FAT4: variants seen among roughly 807,000 people sequenced by gnomAD.
The protein encoded by FAT4 is FAT atypical cadherin 4.
In FAT4, 84 loss-of-function variants were observed where a neutral mutation model predicts 303.9. The observed-to-expected ratio is 0.28, with a 90% CI of 0.23 to 0.33. The LOEUF is 0.33. Ranked by LOEUF, FAT4 falls within the 10% of genes least tolerant of loss-of-function variation. The pLI, the probability that FAT4 is intolerant of heterozygous loss-of-function variation, is 1.00. For synonymous variants in FAT4, 2,307 were observed against 2,298.8 expected (o/e 1.00, Z -0.10); for missense variants, 6,005 against 6,146.8 (o/e 0.98, Z 0.77).
intron 2 of FAT4, among the ~76,000 whole-genome samples, chr4:125,385,536 A>T (rs996167141): frequency 3.9e-5 from 6 of 152,210 alleles, no homozygotes; most frequent in African/African-American, 9.6e-5. Flanking sequence ...TTTGAAAACT[A>T]AAATCAAAGT....
chr4:125,325,463 A>G (rs1056901266), intron 2 of FAT4, among the ~76,000 whole-genome samples: 5 of 152,144 alleles, frequency 3.3e-5, no homozygotes, highest in African/African-American at 1.2e-4. Context: ...TCCTTTGTTC[A>G]TGATAAAAAG....
chr4:125,375,065 G>A (rs1733261422), intron 2 of FAT4, among the ~76,000 whole-genome samples: 1 of 152,084 alleles, frequency 6.6e-6, no homozygotes. Flanking sequence ...TTAACACTCT[G>A]GAGTTTTTAT....
At chr4:125,358,375 A>T (rs1578556332) in intron 2 of FAT4, among the ~76,000 whole-genome samples, 1 of 152,022 alleles carries the variant, frequency 6.6e-6, no homozygotes, top group East Asian at 1.9e-4. Context: ...TTATATTGTA[A>T]TATCTAATGA....
At chr4:125,453,343 C>T (rs1056444702) in intron 10 of FAT4, among the ~76,000 whole-genome samples, 5 of 152,014 alleles carry the variant, frequency 3.3e-5, no homozygotes, top group African/African-American at 1.2e-4. Context: ...AAATCATAGT[C>T]GTCATTATTA....
intron 2 of FAT4, among the ~76,000 whole-genome samples, chr4:125,342,742 A>G (rs1731846600): frequency 6.6e-6 from 1 of 151,918 alleles, no homozygotes; most frequent in African/African-American, 2.4e-5. Context: ...CAATATGGTC[A>G]AGAATGAAAC....
chr4:125,424,960 T>C (rs1725038842), intron 7 of FAT4, among the ~76,000 whole-genome samples: 1 of 152,138 alleles, frequency 6.6e-6, no homozygotes, highest in Non-Finnish European at 1.5e-5. Flanking sequence ...AGAAAAAAGA[T>C]TTTAGGGCAA....
In FAT4 at chr4:125,456,112, G is replaced by C. The variant is rs370030363; in HGVS notation, c.11800+3302G>C. On this transcript the variant is annotated intron_variant, in intron 10 of 17. Coordinates refer to ENST00000394329, the MANE Select transcript of FAT4 (RefSeq NM_001291303.3). ...CTGGCAGAATATAAACTTGAACCCC[G>C]CTGGAAGGGAGTCTGGAAAAGGTAG... Among the ~76,000 whole-genome samples the C allele has an allele frequency of 7.9e-5, 12 of 152,176 alleles. No individual in the cohort carries two copies. The South Asian group carries it at 1.7e-3, about 21-fold the overall frequency.
intron 7 of FAT4, among the ~76,000 whole-genome samples, chr4:125,433,802 TAAC>T (rs1725357415): frequency 6.6e-6 from 1 of 152,192 alleles, no homozygotes; most frequent in South Asian, 2.1e-4. Flanking sequence ...TTTGTGATAG[TAAC>T]AATGATAGTC....
chr4:125,474,682 C>A lies in FAT4; in HGVS notation c.12214-1489C>A, dbSNP rs540004154. Among the ~76,000 whole-genome samples, 95 of 151,998 alleles carry A rather than the reference C, an allele frequency of 6.3e-4. 1 individual carries two copies. The highest frequency in any genetic ancestry group is 2.2e-3 in the African/African-American group (92 of 41,514). On this transcript the variant is annotated intron_variant, in intron 12 of 17. Transcript: ENST00000394329. The stretch of plus-strand genomic sequence containing the variant: ...AAATGGATTATACATTCACCTCAGT[C>A]TTTGTTTTTAAAATGTGAGATACTT...
intron 9 of FAT4, 112 bp downstream of exon 9, chr4:125,446,655 G>T: frequency 8.9e-7 from 1 of 1,123,910 alleles, no homozygotes; most frequent in Non-Finnish European, 1.2e-6. Flanking sequence ...GCCTAATTTT[G>T]CAAATCCTCT....
At position 125,407,571 on chromosome 4, in the gene FAT4, A is replaced by G. The variant is rs115260733; in HGVS notation, c.5569+430A>G. 4.0e-3 allele frequency among the ~76,000 whole-genome samples: 602 copies of G among 152,248 alleles called. 3 individuals carry two copies. The highest frequency in any genetic ancestry group is 0.014 in the African/African-American group (572 of 41,566). On this transcript the variant is annotated intron_variant, in intron 4 of 17. Coordinates refer to ENST00000394329, the MANE Select transcript of FAT4 (RefSeq NM_001291303.3). Reference sequence around the variant, plus strand: ...AGTTAATTCATTTCTCTTAGTTTCAATTCTCTATCCTGTAAATGGAAACAG... The same window carrying G: ...AGTTAATTCATTTCTCTTAGTTTCAGTTCTCTATCCTGTAAATGGAAACAG...
At chr4:125,420,632 A>G (rs1735252555) in intron 7 of FAT4, among the ~76,000 whole-genome samples, 1 of 152,196 alleles carries the variant, frequency 6.6e-6, no homozygotes, top group South Asian at 2.1e-4. Context: ...AAGCAGCACA[A>G]GTGTTTAAAG....
At chr4:125,439,631 G>A (rs1257813611) in intron 8 of FAT4, among the ~76,000 whole-genome samples, 1 of 151,856 alleles carries the variant, frequency 6.6e-6, no homozygotes, top group African/African-American at 2.4e-5. Context: ...GAGCCACCGC[G>A]CCCCGGCCAG....
chr4:125,316,712 C>T lies in FAT4; in HGVS notation c.301C>T (p.Leu101=). Residue 101 remains leucine, a synonymous_variant, in exon 2 of 18, where the codon CTG becomes TTG. Transcript: ENST00000394329. This position sits in a 1 kb window ranked among gnomAD's most constrained non-coding sequence, Gnocchi z 5.7. ...CACCTCCACCATCGACCGCGAGAGC[C>T]TGCCCAGCGACGTGATCAACCTGGT... ...YTTSTIDRES[L]PSDVINLVVL... 1 of 1,613,894 alleles carries T rather than the reference C, an allele frequency of 6.2e-7. No individual in the cohort carries two copies. Among genetic ancestry groups the T allele is most frequent in the Non-Finnish European group, 8.5e-7 (1 of 1,180,036 alleles).
At chr4:125,394,440 T>G (rs895031696) in intron 2 of FAT4, among the ~76,000 whole-genome samples, 2 of 152,164 alleles carry the variant, frequency 1.3e-5, no homozygotes, top group African/African-American at 4.8e-5. Flanking sequence ...TAGTATTGGG[T>G]TTGTCCTTTA....
Position 125,319,882 on chromosome 4 carries a change from T to A in FAT4, c.3471T>A (p.Asn1157Lys). ...ELHAISGEIT[N>K]THQFDRESLM... is the part of the protein sequence containing the mutation. ...ATGCCATCAGTGGGGAAATTACAAATACTCATCAGTTTGACAGGGAGTCTC... is the reference window on the plus strand; with the variant it reads ...ATGCCATCAGTGGGGAAATTACAAAAACTCATCAGTTTGACAGGGAGTCTC... Residue 1157 changes from asparagine to lysine, a missense_variant, in exon 2 of 18, where the codon AAT becomes AAA. Transcript: ENST00000394329. 5 of 1,614,122 alleles carry A rather than the reference T, an allele frequency of 3.1e-6. No homozygotes were observed. Among genetic ancestry groups the A allele is most frequent in the Non-Finnish European group, 4.2e-6 (5 of 1,180,028 alleles).
chr4:125,332,658 GTGTT>G lies in FAT4; in HGVS notation c.5175+11080_5175+11083del, dbSNP rs1267597406. Among the ~76,000 whole-genome samples the G allele has an allele frequency of 3.9e-5, 6 of 152,038 alleles. 1 individual carries two copies. In the East Asian group the frequency reaches 7.7e-4, roughly 20 times the overall value. ...AATATTGACTATTATGGAATTGTGT[GTGTT>G]TGTTTGTGAGCCTATTTAGAAATCG... On this transcript the variant is annotated intron_variant, in intron 2 of 17. Coordinates refer to ENST00000394329, the MANE Select transcript of FAT4 (RefSeq NM_001291303.3).
chr4:125,483,133 A>T (rs1271573254), intron 16 of FAT4, among the ~76,000 whole-genome samples: 1 of 152,216 alleles, frequency 6.6e-6, no homozygotes, highest in African/African-American at 2.4e-5. Context: ...ACAAGAGAAC[A>T]TCTTCAGGTT....
chr4:125,423,830 T>C (rs1468883215), intron 7 of FAT4, among the ~76,000 whole-genome samples: 1 of 152,202 alleles, frequency 6.6e-6, no homozygotes, highest in Non-Finnish European at 1.5e-5. Flanking sequence ...ATGTGAGACA[T>C]GGAGTCAAAG....
Sources: gnomAD v4.1 joint callset for allele counts (sites outside exome capture counted in the v4.1 genomes callset) on GRCh38, gnomAD v4.1.1 for gene constraint, Gnocchi (gnomAD v3.1) non-coding constraint, MANE v1.5 for transcripts, NCBI Gene and HGNC (gene_info 2026-07-23, HGNC 2026-07-21) for gene names.